Variants in RASGRP1 observed in about 807,000 individuals in gnomAD.
The protein encoded by RASGRP1 is RAS guanyl-releasing protein 1.
RASGRP1 carries 37 observed loss-of-function variants against 95.1 expected under a neutral mutation model. The observed-to-expected ratio is 0.39, with a 90% CI of 0.30 to 0.51. The LOEUF is 0.51. Ranked by LOEUF, RASGRP1 falls within the 20% of genes least tolerant of loss-of-function variation. The pLI, the probability that RASGRP1 is intolerant of heterozygous loss-of-function variation, is 0.80. For synonymous variants in RASGRP1, 325 were observed against 353.4 expected, an observed-to-expected ratio of 0.92 and a Z score of 0.90; for missense variants, 711 against 965.4, an observed-to-expected ratio of 0.74 and a Z score of 3.49.
chr15:38,546,010 C>T (rs1399308680), intron 2 of RASGRP1, among the ~76,000 whole-genome samples: 1 of 152,000 alleles, frequency 6.6e-6, no homozygotes, highest in Admixed American at 6.6e-5. Flanking sequence ...ATTATGACAC[C>T]ATCCTGGTAA....
At position 38,494,450 on chromosome 15, in the gene RASGRP1, C is replaced by T; in HGVS notation, c.2191G>A (p.Asp731Asn). The change falls in exon 16 of 17, where the codon GAC becomes AAC. Residue 731 changes from aspartate (D) to asparagine (N), a missense_variant. Physicochemically the swap from Asp to Asn is conservative, Grantham distance 23. Coordinates refer to ENST00000310803, the MANE Select transcript of RASGRP1 (RefSeq NM_005739.4). ...KRAFVKWENK[D>N]SLIKSKEELR... is the part of the protein sequence containing the mutation. The stretch of plus-strand genomic sequence containing the variant: ...TCCTCCTTTGATTTTATGAGGGAGT[C>T]TTTATTCTCCCACTTGACAAAAGCC... 1 of 1,613,082 alleles carries T rather than the reference C, an allele frequency of 6.2e-7. No individual in the cohort carries two copies. Among genetic ancestry groups the T allele is most frequent in the Middle Eastern group, 1.7e-4 (1 of 6,058 alleles).
intron 2 of RASGRP1, among the ~76,000 whole-genome samples, chr15:38,550,745 T>C (rs905629693): frequency 6.6e-6 from 1 of 152,180 alleles, no homozygotes; most frequent in Admixed American, 6.5e-5. Flanking sequence ...ACTGTGATTA[T>C]AATACATGTA....
At chr15:38,559,312 A>C (rs1473577509) in intron 2 of RASGRP1, among the ~76,000 whole-genome samples, 1 of 152,174 alleles carries the variant, frequency 6.6e-6, no homozygotes, top group Non-Finnish European at 1.5e-5. Flanking sequence ...CCTGCATTGC[A>C]ACATTTATTA....
At chr15:38,498,092 CTCTG>C (rs748138828) in intron 15 of RASGRP1, among the ~76,000 whole-genome samples, 13 of 152,314 alleles carry the variant, frequency 8.5e-5, no homozygotes, top group Non-Finnish European at 1.8e-4. Context: ...GCTAGTAGAA[CTCTG>C]TCTGTGGCTA....
intron 16 of RASGRP1, 132 bp downstream of exon 16, chr15:38,494,250 T>G (rs1890707841): frequency 5.1e-6 from 6 of 1,181,040 alleles, no homozygotes; most frequent in Non-Finnish European, 6.1e-6. Flanking sequence ...TCCCTGTTTC[T>G]CCCCTCCTCC....
At chr15:38,535,628 T>C (rs1264519229) in intron 2 of RASGRP1, among the ~76,000 whole-genome samples, 1 of 152,214 alleles carries the variant, frequency 6.6e-6, no homozygotes, top group Non-Finnish European at 1.5e-5. Flanking sequence ...CTCTACTGCC[T>C]CAGCCAAACC....
intron 3 of RASGRP1, among the ~76,000 whole-genome samples, chr15:38,522,715 A>G (rs930618533): frequency 2.0e-5 from 3 of 152,214 alleles, no homozygotes; most frequent in Admixed American, 2.0e-4. Context: ...AGGCCCCATT[A>G]CATCCAGTAT....
In RASGRP1 at chr15:38,488,633, A is replaced by G. The variant is rs567671057; in HGVS notation, c.*1921T>C. On this transcript the variant is annotated 3_prime_UTR_variant, in exon 17 of 17. Transcript: ENST00000310803. ...TTTTGAATCCCTATAGATTATTTAT[A>G]TAAAAACTAACTGGGGATCTTTACT... is the stretch of plus-strand genomic sequence containing the variant. 1 of 152,124 alleles carries G rather than the reference A, an allele frequency of 6.6e-6. No individual in the cohort carries two copies. The highest frequency in any genetic ancestry group is 6.6e-5 in the Admixed American group (1 of 15,266). 9.4% of individuals were successfully genotyped at this position (152,124 alleles called of 1,614,324 possible). A position where few individuals can be genotyped will look rare whatever the true frequency, so the allele number is the denominator to read the frequency against.
chr15:38,496,547 A>T (rs1000592052), intron 15 of RASGRP1, among the ~76,000 whole-genome samples: 4 of 152,372 alleles, frequency 2.6e-5, no homozygotes, highest in East Asian at 1.9e-4. Context: ...CTGAAAATAC[A>T]GAGTGCATGA....
chr15:38,534,520 A>G (rs1347923567), intron 2 of RASGRP1: 2 of 152,262 alleles, frequency 1.3e-5, no homozygotes, highest in African/African-American at 4.8e-5. Flanking sequence ...GGGGGACACC[A>G]TAACATGGAC....
intron 2 of RASGRP1, 52 bp from the exon 3 acceptor site, chr15:38,526,456 A>G: frequency 7.2e-7 from 1 of 1,392,608 alleles, no homozygotes; most frequent in Non-Finnish European, 1.0e-6. Context: ...GAAACTAGTC[A>G]CCTGGTAGAC....
intron 6 of RASGRP1, among the ~76,000 whole-genome samples, chr15:38,513,354 C>T (rs1181388986): frequency 6.6e-6 from 1 of 152,202 alleles, no homozygotes; most frequent in Non-Finnish European, 1.5e-5. Context: ...ACAAATCTCT[C>T]TCTCCCCAGC....
intron 15 of RASGRP1, 34 bp from the exon 16 acceptor site, chr15:38,494,801 G>A: frequency 1.4e-6 from 2 of 1,383,564 alleles, no homozygotes; most frequent in African/African-American, 1.4e-5. Flanking sequence ...TAGTACTCTA[G>A]CTCAGGAAAG....
At chr15:38,516,920 G>A (rs931951254) in intron 5 of RASGRP1, among the ~76,000 whole-genome samples, 27 of 152,096 alleles carry the variant, frequency 1.8e-4, no homozygotes, top group Admixed American at 6.6e-5. Flanking sequence ...GACCAAGGAA[G>A]CCTAGCTGAC....
chr15:38,542,873 G>T (rs1185615957), intron 2 of RASGRP1, among the ~76,000 whole-genome samples: 1 of 132,394 alleles, frequency 7.6e-6, no homozygotes, highest in Admixed American at 7.9e-5. Context: ...ACATATATGT[G>T]TATATATATA....
chr15:38,515,269 TC>T (rs1891713718), intron 6 of RASGRP1, among the ~76,000 whole-genome samples: 1 of 152,092 alleles, frequency 6.6e-6, no homozygotes, highest in Admixed American at 6.6e-5. Flanking sequence ...TGGGCCTCCA[TC>T]CCCTCACCAG....
At chr15:38,507,183 G>A (rs927408874) in intron 9 of RASGRP1, among the ~76,000 whole-genome samples, 1 of 152,194 alleles carries the variant, frequency 6.6e-6, no homozygotes, top group East Asian at 1.9e-4. Context: ...TGCAGGTCTG[G>A]AAGGGAGTTC....
At chr15:38,557,871 T>C (rs1893632504) in intron 2 of RASGRP1, among the ~76,000 whole-genome samples, 1 of 152,166 alleles carries the variant, frequency 6.6e-6, no homozygotes, top group Non-Finnish European at 1.5e-5. Context: ...ACACAATATA[T>C]TGTCGTTGCC....
intron 12 of RASGRP1, 104 bp from the exon 13 acceptor site, chr15:38,501,391 A>G (rs771514347): frequency 2.2e-6 from 3 of 1,342,362 alleles, no homozygotes; most frequent in African/African-American, 2.9e-5. Flanking sequence ...TTTTATCCTC[A>G]GTGGTAATAT....
Sources: allele counts gnomAD v4.1 joint callset (sites outside exome capture counted in the v4.1 genomes callset), GRCh38; gene constraint gnomAD v4.1.1; transcripts MANE v1.5; gene names NCBI Gene and HGNC (gene_info 2026-07-23, HGNC 2026-07-21).